VDR: variants seen among roughly 807,000 people sequenced by gnomAD.
VDR encodes vitamin D receptor.
VDR carries 19 observed loss-of-function variants against 39.7 expected under a neutral mutation model. The observed-to-expected ratio is 0.48, with a 90% CI of 0.33 to 0.70. The LOEUF (loss-of-function observed/expected upper bound fraction) is 0.70, where lower values mean the gene tolerates loss of function less well. VDR is among the 30% of genes least tolerant of loss of function. VDR has a pLI of 0.02. For synonymous variants in VDR, 242 were observed against 215.8 expected, an observed-to-expected ratio of 1.12 and a Z score of -1.07; for missense variants, 442 against 570.5, an observed-to-expected ratio of 0.77 and a Z score of 2.29.
chr12:47,892,149 T>G (rs1208152571), intron 1 of VDR, among the ~76,000 whole-genome samples: 1 of 152,232 alleles, frequency 6.6e-6, no homozygotes, highest in African/African-American at 2.4e-5. Context: ...CTGAAGCCTG[T>G]GTCAGAATCA....
chr12:47,868,064 A>T (rs1945774677), intron 3 of VDR, among the ~76,000 whole-genome samples: 2 of 152,182 alleles, frequency 1.3e-5, no homozygotes, highest in South Asian at 4.1e-4. Flanking sequence ...CACTGAGGTT[A>T]AGAAACTTAC....
intron 3 of VDR, among the ~76,000 whole-genome samples, chr12:47,876,672 C>A (rs1192750835): frequency 6.6e-6 from 1 of 152,220 alleles, no homozygotes; most frequent in Non-Finnish European, 1.5e-5. Context: ...ACACAGATTA[C>A]AAACATACCA....
In VDR at chr12:47,844,741, C is replaced by T. The variant is rs765562137; in HGVS notation, c.*5G>A. ...CCACCCAGGCACCGCCACAGGCTGT[C>T]CTAGTCAGGAGATCTCATTGCCAAA... On this transcript the variant is annotated 3_prime_UTR_variant, in exon 10 of 10. Coordinates refer to ENST00000549336, the MANE Select transcript of VDR (RefSeq NM_000376.3). The T allele has an allele frequency of 1.2e-6, 2 of 1,613,972 alleles. No homozygotes were observed. The highest frequency in any genetic ancestry group is 1.7e-5 in the Admixed American group (1 of 60,020).
chr12:47,872,669 G>T lies in VDR; in HGVS notation c.146+6299C>A, dbSNP rs562370859. Reference sequence around the variant, plus strand: ...AAGCTCTCTCAGAGCCCCTGGCCCAGCCCTTCCCTCTTCATACCTGATATT... The same window carrying T: ...AAGCTCTCTCAGAGCCCCTGGCCCATCCCTTCCCTCTTCATACCTGATATT... On this transcript the variant is annotated intron_variant, in intron 3 of 9. Coordinates refer to ENST00000549336, the MANE Select transcript of VDR (RefSeq NM_000376.3). Among the ~76,000 whole-genome samples the T allele has an allele frequency of 1.1e-4, 16 of 152,274 alleles. No homozygotes were observed. The East Asian group carries it at 3.1e-3, about 29-fold the overall frequency.
At chr12:47,888,048 A>C (rs1946291613) in intron 1 of VDR, among the ~76,000 whole-genome samples, 1 of 152,214 alleles carries the variant, frequency 6.6e-6, no homozygotes, top group South Asian at 2.1e-4. Flanking sequence ...GTTTAACTGG[A>C]ATTACAATTC....
At chr12:47,893,148 A>G (rs1422590086) in intron 1 of VDR, among the ~76,000 whole-genome samples, 1 of 152,194 alleles carries the variant, frequency 6.6e-6, no homozygotes, top group Non-Finnish European at 1.5e-5. Flanking sequence ...GTGAGTCTTG[A>G]ATATCAGGAA....
chr12:47,892,950 G>GA (rs1326914843), intron 1 of VDR, among the ~76,000 whole-genome samples: 3 of 152,214 alleles, frequency 2.0e-5, no homozygotes, highest in Non-Finnish European at 4.4e-5. Context: ...ACTCCAGGCA[G>GA]AGGATACTGC....
chr12:47,862,656 GC>G (rs1024175582), intron 4 of VDR, among the ~76,000 whole-genome samples: 1 of 152,228 alleles, frequency 6.6e-6, no homozygotes, highest in Middle Eastern at 3.2e-3. Flanking sequence ...GACAGCAGGA[GC>G]CTGGGCTTTT....
chr12:47,855,314 C>T (rs367898774), intron 7 of VDR, among the ~76,000 whole-genome samples: 23 of 149,486 alleles, frequency 1.5e-4, no homozygotes, highest in South Asian at 2.1e-4. Context: ...GGCATCAGAG[C>T]GAGAATCTGT....
intron 9 of VDR, among the ~76,000 whole-genome samples, chr12:47,845,843 C>T (rs1592095104): frequency 6.6e-6 from 1 of 152,224 alleles, no homozygotes; most frequent in Non-Finnish European, 1.5e-5. Flanking sequence ...ACAATAACTT[C>T]CTCTTCGGCC....
At chr12:47,892,665 T>A (rs899278349) in intron 1 of VDR, among the ~76,000 whole-genome samples, 1 of 151,532 alleles carries the variant, frequency 6.6e-6, no homozygotes, top group Non-Finnish European at 1.5e-5. Flanking sequence ...GACACAGTGG[T>A]GAGCAAGACA....
chr12:47,886,264 C>T (rs1946250859), intron 1 of VDR, among the ~76,000 whole-genome samples: 1 of 152,224 alleles, frequency 6.6e-6, no homozygotes, highest in African/African-American at 2.4e-5. Flanking sequence ...GCGTACACAC[C>T]CTTGTCTTGC....
rs1462754993 is a variant in VDR, at chr12:47,859,924, T to TCCTTCC, written c.278-2237_278-2236insGGAAGG. Among the ~76,000 whole-genome samples, 19 of 18,470 alleles carry TCCTTCC rather than the reference T, an allele frequency of 1.0e-3. 2 individuals carry two copies. The highest frequency in any genetic ancestry group is 3.0e-3 in the East Asian group (3 of 998). 12.1% of individuals were successfully genotyped at this position (18,470 alleles called of 152,430 possible). A position where few individuals can be genotyped will look rare whatever the true frequency, so the allele number is the denominator to read the frequency against. ...TTCCTTCCTTCCTTCCTTCTTTCTT[T>TCCTTCC]TTCTTTCTTTCTTTCTTTCTTTCTT... On this transcript the variant is annotated intron_variant, in intron 4 of 9. Coordinates refer to ENST00000549336, the MANE Select transcript of VDR (RefSeq NM_000376.3).
intron 1 of VDR, among the ~76,000 whole-genome samples, chr12:47,890,221 G>T (rs1946341918): frequency 6.6e-6 from 1 of 151,714 alleles, no homozygotes; most frequent in South Asian, 2.1e-4. Flanking sequence ...AGAGGTCAAG[G>T]AGCTTATCCC....
At position 47,894,600 on chromosome 12, in the gene VDR, C is replaced by A. The variant is rs141940792; in HGVS notation, c.-84+10355G>T. On this transcript the variant is annotated intron_variant, in intron 1 of 9. Coordinates refer to ENST00000549336, the MANE Select transcript of VDR (RefSeq NM_000376.3). The stretch of plus-strand genomic sequence containing the variant: ...TTACTTTTTCCAGAACTCCCCCTGA[C>A]CTGAAAAATAATTCTGCAGCTAGGC... Among the ~76,000 whole-genome samples the A allele has an allele frequency of 6.1e-3, 932 of 152,308 alleles. 10 individuals carry two copies. Among genetic ancestry groups the A allele is most frequent in the African/African-American group, 0.021 (870 of 41,554 alleles).
At chr12:47,863,292 C>T (rs1253666881) in intron 4 of VDR, among the ~76,000 whole-genome samples, 1 of 152,212 alleles carries the variant, frequency 6.6e-6, no homozygotes, top group Admixed American at 6.5e-5. Flanking sequence ...CTCTGAGTCT[C>T]AGATGTTCTT....
At chr12:47,866,438 T>C (rs1219453902) in intron 3 of VDR, among the ~76,000 whole-genome samples, 1 of 152,186 alleles carries the variant, frequency 6.6e-6, no homozygotes, top group Admixed American at 6.5e-5. Context: ...GTAGCCAGCA[T>C]AATAACATTT....
intron 4 of VDR, among the ~76,000 whole-genome samples, chr12:47,858,573 C>T (rs1217187851): frequency 6.6e-6 from 1 of 152,260 alleles, no homozygotes; most frequent in Non-Finnish European, 1.5e-5. Context: ...CTGCCTGCCT[C>T]CCTGTGCTGG....
intron 1 of VDR, among the ~76,000 whole-genome samples, chr12:47,890,552 A>C (rs555386688): frequency 6.6e-6 from 1 of 152,204 alleles, no homozygotes; most frequent in South Asian, 2.1e-4. Flanking sequence ...TGACTGCAGA[A>C]GAGCAGAGGA....
Sources: allele counts gnomAD v4.1 joint callset (sites outside exome capture counted in the v4.1 genomes callset), GRCh38; gene constraint gnomAD v4.1.1; transcripts MANE v1.5; gene names NCBI Gene and HGNC (gene_info 2026-07-23, HGNC 2026-07-21).